The following TTLL6 variants were observed in gnomAD, a reference collection of about 807,000 sequenced individuals.
TTLL6 encodes tubulin polyglutamylase TTLL6.
Under a neutral mutation model 96.4 loss-of-function variants are expected in TTLL6, and 75 were observed. The observed-to-expected ratio is 0.78, with a 90% confidence interval of 0.65 to 0.94. TTLL6 has a LOEUF of 0.94. Among genes scored for constraint, TTLL6 ranks in the 40% least tolerant of loss-of-function variants. The probability of loss-of-function intolerance (pLI) is 0.00; values close to 1 mark genes in which losing one functional copy is unlikely to be tolerated. For synonymous variants in TTLL6, 411 were observed against 419.4 expected (o/e 0.98, Z 0.24); for missense variants, 1,030 against 1,093.0 (o/e 0.94, Z 0.81).
intron 13 of TTLL6, among the ~76,000 whole-genome samples, chr17:48,774,706 T>G (rs1379129377): frequency 1.3e-5 from 2 of 152,112 alleles, no homozygotes; most frequent in Non-Finnish European, 2.9e-5. Flanking sequence ...TCATTCAAAA[T>G]AAAATAAGTT....
At chr17:48,802,039 CA>C (rs1045158490) in intron 3 of TTLL6, among the ~76,000 whole-genome samples, 9 of 88,880 alleles carry the variant, frequency 1.0e-4, no homozygotes, top group Admixed American at 4.0e-4. Context: ...GAGACCCTGT[CA>C]AAAAAAAAAG....
intron 3 of TTLL6, 146 bp from the exon 4 acceptor site, chr17:48,801,789 A>G (rs1007226437): frequency 1.1e-5 from 7 of 629,076 alleles, no homozygotes; most frequent in African/African-American, 1.8e-5. Flanking sequence ...CCCTCTCTGG[A>G]TGCAAGAATG....
At chr17:48,799,789 A>G (rs1362464444) in intron 5 of TTLL6, 29 bp from the exon 6 acceptor site, 1 of 1,543,656 alleles carries the variant, frequency 6.5e-7, no homozygotes, top group Non-Finnish European at 8.8e-7. Flanking sequence ...AACAAGATAC[A>G]TCTTTAGCTG....
At chr17:48,789,466 T>C (rs1261548589) in intron 10 of TTLL6, among the ~76,000 whole-genome samples, 4 of 152,158 alleles carry the variant, frequency 2.6e-5, no homozygotes, top group African/African-American at 9.7e-5. Flanking sequence ...CTCCATTTCA[T>C]AGAAAGATCA....
intron 11 of TTLL6, among the ~76,000 whole-genome samples, chr17:48,787,312 A>G (rs2039120151): frequency 6.6e-6 from 1 of 152,100 alleles, no homozygotes; most frequent in Admixed American, 6.5e-5. Context: ...AGAAAGAGCT[A>G]CTTCTCTCCA....
rs776247263 is a variant in TTLL6, at chr17:48,786,263, C to T, written c.1662G>A (p.Gln554=). 1.6e-5 allele frequency: 26 copies of T among 1,614,118 alleles called. 2 individuals carry two copies. The South Asian group carries it at 2.6e-4, about 16-fold the overall frequency. ...TCACTTGCTCGCCTGCCGATTCCCC[C>T]TGCATCTCTACCTTCTTCTTCATTT... ...PFQMKKKVEM[Q]GESAGEQVRK... Residue 554 remains glutamine (Q), a synonymous_variant, in exon 12 of 16, where the codon CAG becomes CAA. Transcript: ENST00000393382.
At chr17:48,785,604 G>C (rs1316886259) in intron 12 of TTLL6, among the ~76,000 whole-genome samples, 6 of 152,178 alleles carry the variant, frequency 3.9e-5, no homozygotes, top group African/African-American at 1.4e-4. Flanking sequence ...TGAGCTAGAA[G>C]AGAGTGCTAA....
chr17:48,807,995 C>T (rs1003211581), intron 1 of TTLL6, among the ~76,000 whole-genome samples: 1 of 152,156 alleles, frequency 6.6e-6, no homozygotes, highest in Non-Finnish European at 1.5e-5. Flanking sequence ...CCCGCCACCA[C>T]GCCCGGCTAA....
Position 48,782,667 on chromosome 17 carries a change from A to G in TTLL6, c.2040+2256T>C, listed in dbSNP as rs151181457. 3.3e-4 allele frequency among the ~76,000 whole-genome samples: 50 copies of G among 152,310 alleles called. No homozygotes were observed. In the East Asian group the frequency reaches 9.4e-3, roughly 29 times the overall value. On this transcript the variant is annotated intron_variant, in intron 13 of 15. Transcript: ENST00000393382. ...TTTTCAAACCATGGGTTGTAAACCT[A>G]TGAAATCATGAATTAATCTGGTAGG...
Position 48,803,911 on chromosome 17 carries a change from GA to G in TTLL6, c.340del (p.Ser114ProfsTer40). ...RKKKRLVINL[S>X]SCRYESVRRA... ...CTCACCACTCTCATACCGGCAGCTGGATAGATTGATCACCAATCATCTGGAA... is the reference window on the plus strand; with the variant it reads ...CTCACCACTCTCATACCGGCAGCTGGTAGATTGATCACCAATCATCTGGAA... On this transcript the variant is annotated frameshift_variant, in exon 3 of 16. Transcript: ENST00000393382. LOFTEE classifies it high-confidence loss of function. 1.3e-6 allele frequency: 2 copies of G among 1,551,954 alleles called. No individual in the cohort carries two copies. The highest frequency in any genetic ancestry group is 1.7e-6 in the Non-Finnish European group (2 of 1,147,064).
intron 14 of TTLL6, 96 bp from the exon 15 acceptor site, chr17:48,769,350 G>A (rs1160016989): frequency 1.4e-5 from 20 of 1,400,616 alleles, no homozygotes; most frequent in South Asian, 7.1e-5. Context: ...CCCATGGCCT[G>A]TAACTGCCAT....
At chr17:48,804,461 G>A (rs2039474833) in intron 2 of TTLL6, 1 of 532,156 alleles carries the variant, frequency 1.9e-6, no homozygotes, top group Non-Finnish European at 3.6e-6. Flanking sequence ...TAAATTTCCA[G>A]GACAAATCAG....
intron 1 of TTLL6, among the ~76,000 whole-genome samples, chr17:48,809,649 A>C (rs1324792467): frequency 1.3e-5 from 2 of 152,020 alleles, no homozygotes; most frequent in Non-Finnish European, 2.9e-5. Context: ...GCTTGAGCCC[A>C]GGAGTTCAAA....
Position 48,786,249 on chromosome 17 carries a change from C to G in TTLL6, c.1676G>C (p.Gly559Ala). Residue 559 changes from glycine (G) to alanine (A), a missense_variant, in exon 12 of 16, where the codon GGC (glycine) becomes GCC (alanine). Physicochemically the swap from Gly to Ala is moderately conservative, Grantham distance 60. Coordinates refer to ENST00000393382, the MANE Select transcript of TTLL6 (RefSeq NM_001130918.3). Reference protein sequence around the residue: ...KKVEMQGESAGEQVRKKGMRG... With the variant: ...KKVEMQGESAAEQVRKKGMRG... ...CATGCCCTTCTTTCTCACTTGCTCGCCTGCCGATTCCCCCTGCATCTCTAC... is the reference window on the plus strand; with the variant it reads ...CATGCCCTTCTTTCTCACTTGCTCGGCTGCCGATTCCCCCTGCATCTCTAC... 6.2e-7 allele frequency: 1 copy of G among 1,614,252 alleles called. No individual in the cohort carries two copies. The highest frequency in any genetic ancestry group is 1.1e-5 in the South Asian group (1 of 91,086).
intron 13 of TTLL6, among the ~76,000 whole-genome samples, chr17:48,772,097 CA>C (rs199740155): frequency 6.6e-6 from 1 of 151,352 alleles, no homozygotes; most frequent in Non-Finnish European, 1.5e-5. Context: ...CAAAACAAAA[CA>C]AAAAAACCCA....
At chr17:48,775,377 G>A (rs1567717644) in intron 13 of TTLL6, among the ~76,000 whole-genome samples, 2 of 151,866 alleles carry the variant, frequency 1.3e-5, no homozygotes, top group Admixed American at 6.6e-5. Flanking sequence ...ATGACCAAGT[G>A]AGGTTTATCC....
At chr17:48,799,344 T>C (rs1174574378) in intron 6 of TTLL6, among the ~76,000 whole-genome samples, 2 of 152,228 alleles carry the variant, frequency 1.3e-5, no homozygotes, top group African/African-American at 4.8e-5. Context: ...GGTGCTCTCC[T>C]AGCCCTAATG....
intron 3 of TTLL6, among the ~76,000 whole-genome samples, chr17:48,803,455 C>T (rs983643817): frequency 6.8e-6 from 1 of 148,022 alleles, no homozygotes; most frequent in Non-Finnish European, 1.5e-5. Flanking sequence ...GAGATCACGC[C>T]ACTGCACTCC....
At chr17:48,802,870 C>CA (rs910829749) in intron 3 of TTLL6, among the ~76,000 whole-genome samples, 11 of 147,722 alleles carry the variant, frequency 7.4e-5, no homozygotes, top group East Asian at 2.0e-4. Context: ...GGCTCCATCT[C>CA]AAAAAAAATA....
Sources: gnomAD v4.1 joint callset for allele counts (sites outside exome capture counted in the v4.1 genomes callset) on GRCh38, gnomAD v4.1.1 for gene constraint, MANE v1.5 for transcripts, NCBI Gene and HGNC (gene_info 2026-07-23, HGNC 2026-07-21) for gene names.